BCL2L14: variants seen among roughly 807,000 people sequenced by gnomAD.
The protein encoded by BCL2L14 is apoptosis facilitator Bcl-2-like protein 14.
A neutral mutation model predicts 35.3 loss-of-function variants in BCL2L14; 27 were observed. The observed-to-expected ratio is 0.76, with a 90% CI of 0.56 to 1.05. BCL2L14 has a LOEUF of 1.05. Ranked by LOEUF, BCL2L14 falls within the 50% of genes least tolerant of loss-of-function variation. The pLI is 0.00. For synonymous variants in BCL2L14, 139 were observed against 145.9 expected, an observed-to-expected ratio of 0.95 and a Z score of 0.34; for missense variants, 377 against 382.6, an observed-to-expected ratio of 0.99 and a Z score of 0.12.
chr12:12,091,608 G>C (rs1179036801), intron 4 of BCL2L14, among the ~76,000 whole-genome samples: 1 of 152,200 alleles, frequency 6.6e-6, no homozygotes, highest in Admixed American at 6.5e-5. Context: ...GGGATGGGAG[G>C]TTCTGCAGGA....
chr12:12,093,276 GA>G (rs1949235118), intron 4 of BCL2L14, among the ~76,000 whole-genome samples: 1 of 152,154 alleles, frequency 6.6e-6, no homozygotes, highest in Non-Finnish European at 1.5e-5. Flanking sequence ...GTAGCATCCT[GA>G]AAAATGACTC....
At chr12:12,070,532 C>A (rs1948653277), upstream of BCL2L14, among the ~76,000 whole-genome samples, 1 of 152,084 alleles carries the variant, frequency 6.6e-6, no homozygotes, top group Non-Finnish European at 1.5e-5. Context: ...CAAAAATTAG[C>A]CAGGCGTGCT....
At chr12:12,073,563 C>T (rs1157107083) in intron 1 of BCL2L14, among the ~76,000 whole-genome samples, 2 of 152,102 alleles carry the variant, frequency 1.3e-5, no homozygotes, top group East Asian at 3.8e-4. Flanking sequence ...CCGCCACACA[C>T]ACACACATGC....
chr12:12,090,066 CATAAG>C (rs1404140273), intron 3 of BCL2L14, among the ~76,000 whole-genome samples: 6 of 152,166 alleles, frequency 3.9e-5, no homozygotes, highest in Non-Finnish European at 7.3e-5. Context: ...TTATGGTGTC[CATAAG>C]ATAAAAGCAC....
intron 2 of BCL2L14, among the ~76,000 whole-genome samples, chr12:12,052,408 T>C (rs957133454): frequency 2.0e-5 from 3 of 151,992 alleles, no homozygotes; most frequent in Admixed American, 1.3e-4. Context: ...GTAACCACCA[T>C]TGTACTCTCT....
At chr12:12,051,199 C>T (rs886632111) in intron 1 of BCL2L14, among the ~76,000 whole-genome samples, 4 of 152,120 alleles carry the variant, frequency 2.6e-5, no homozygotes, top group African/African-American at 7.2e-5. Context: ...GCTGGCTTTT[C>T]GTGAGTTCAG....
chr12:12,061,281 G>C (rs188450188), intron 2 of BCL2L14, among the ~76,000 whole-genome samples: 11 of 151,634 alleles, frequency 7.3e-5, no homozygotes, highest in Admixed American at 2.0e-4. Context: ...TAACCCACAA[G>C]TATAAGATAC....
At chr12:12,092,894 C>A (rs1332955221) in intron 4 of BCL2L14, among the ~76,000 whole-genome samples, 1 of 152,166 alleles carries the variant, frequency 6.6e-6, no homozygotes, top group Non-Finnish European at 1.5e-5. Context: ...TTGTTGAAAA[C>A]CCGCTTGGCT....
intron 4 of BCL2L14, among the ~76,000 whole-genome samples, chr12:12,091,970 A>G (rs574528366): frequency 1.3e-5 from 2 of 152,304 alleles, no homozygotes; most frequent in South Asian, 2.1e-4. Context: ...GCTGCCCATG[A>G]GAGTCAACGG....
At chr12:12,064,142 G>A (rs116919697) in intron 2 of BCL2L14, among the ~76,000 whole-genome samples, 6,888 of 152,024 alleles carry the variant, frequency 0.045, 176 homozygotes, top group Middle Eastern at 0.061. Context: ...GAGCCACCAC[G>A]TGTGGCCTGT....
intron 1 of BCL2L14, among the ~76,000 whole-genome samples, chr12:12,074,285 T>C (rs1371914070): frequency 6.6e-6 from 1 of 152,136 alleles, no homozygotes; most frequent in African/African-American, 2.4e-5. Context: ...AGCACTATTC[T>C]AGAGAGCCCG....
At chr12:12,064,378 C>T (rs1435986959) in intron 2 of BCL2L14, among the ~76,000 whole-genome samples, 1 of 120,538 alleles carries the variant, frequency 8.3e-6, no homozygotes, top group Non-Finnish European at 1.7e-5. Flanking sequence ...TGGCCTCATG[C>T]AATCTGCTTC....
At chr12:12,085,548 C>G (rs1415099170) in intron 2 of BCL2L14, among the ~76,000 whole-genome samples, 1 of 152,220 alleles carries the variant, frequency 6.6e-6, no homozygotes, top group Non-Finnish European at 1.5e-5. Context: ...GATCTTTCTT[C>G]TCTCCGTCAT....
upstream of BCL2L14, among the ~76,000 whole-genome samples, chr12:12,067,502 G>A (rs1199037180): frequency 2.0e-5 from 3 of 152,076 alleles, no homozygotes; most frequent in African/African-American, 7.2e-5. Context: ...AGTGAGCCGA[G>A]ATCGTGCCAC....
intron 2 of BCL2L14, among the ~76,000 whole-genome samples, chr12:12,084,145 T>C (rs1421505913): frequency 1.3e-5 from 2 of 152,162 alleles, no homozygotes; most frequent in Non-Finnish European, 2.9e-5. Context: ...TAATCTTTTG[T>C]AAAGATGGGG....
In BCL2L14 at chr12:12,079,662, G is replaced by A. The variant is rs746870026; in HGVS notation, c.357G>A (p.Thr119=). The change falls in exon 2 of 6, where the codon ACG becomes ACA. Residue 119 remains threonine (T), a synonymous_variant. Transcript: ENST00000308721. ...PAKVSAQGQR[T]LEYQDSHSQQ... ...AGGTCTCTGCTCAGGGTCAAAGGAC[G>A]TTGGAATACCAAGATTCGCACAGCC... 67 of 1,614,070 alleles carry A rather than the reference G, an allele frequency of 4.2e-5. No homozygotes were observed. Among genetic ancestry groups the A allele is most frequent in the Admixed American group, 5.0e-5 (3 of 59,998 alleles).
rs150568064 is a variant in BCL2L14, at chr12:12,090,795, A to G, written c.624A>G (p.Ile208Met). The G allele has an allele frequency of 2.4e-5, 38 of 1,613,288 alleles. No homozygotes were observed. In the African/African-American group the frequency reaches 4.4e-4, roughly 19 times the overall value. ...CCCCGACAGATGAAGAAGAACAAAT[A>G]CTAGCCAAAATTGTTGAGCTGCTGA... ...SSSKKDEEEQILAKIVELLKY... is the reference protein window; with the variant it reads ...SSSKKDEEEQMLAKIVELLKY... The change falls in exon 4 of 6, where the codon ATA (isoleucine) becomes ATG (methionine). Residue 208 changes from isoleucine to methionine, a missense_variant. Ile to Met is a conservative substitution (Grantham distance 10). Coordinates refer to ENST00000308721, the MANE Select transcript of BCL2L14 (RefSeq NM_138723.2).
chr12:12,088,012 G>C (rs115814786), intron 3 of BCL2L14, among the ~76,000 whole-genome samples: 1,737 of 152,288 alleles, frequency 0.011, 29 homozygotes, highest in African/African-American at 0.039. Flanking sequence ...CCCCACCACA[G>C]TTCTTGCTCC....
chr12:12,094,732 C>G lies in BCL2L14; in HGVS notation c.747C>G (p.Ile249Met), dbSNP rs370468556. 1.9e-6 allele frequency: 3 copies of G among 1,614,096 alleles called. No homozygotes were observed. In the African/African-American group the frequency reaches 4.0e-5, roughly 22 times the overall value. ...DGLSYSVFKTITDQVLMGVDP... is the reference protein window; with the variant it reads ...DGLSYSVFKTMTDQVLMGVDP... The stretch of plus-strand genomic sequence containing the variant: ...TGTCCTACTCTGTTTTCAAGACCAT[C>G]ACAGACCAGGTCCTAATGGGTGTGG... The change falls in exon 5 of 6, where the codon ATC becomes ATG. Residue 249 changes from isoleucine to methionine, a missense_variant. Transcript: ENST00000308721.
Sources: gnomAD v4.1 joint callset for allele counts (sites outside exome capture counted in the v4.1 genomes callset) on GRCh38, gnomAD v4.1.1 for gene constraint, MANE v1.5 for transcripts, NCBI Gene and HGNC (gene_info 2026-07-23, HGNC 2026-07-21) for gene names.